The following FRMPD3 variants were observed in gnomAD, a reference collection of about 807,000 sequenced individuals.
The protein encoded by FRMPD3 is FERM and PDZ domain containing 3.
In FRMPD3, 42 loss-of-function variants were observed where a neutral mutation model predicts 97.9. The observed-to-expected ratio is 0.43, with a 90% CI of 0.34 to 0.55. The LOEUF (loss-of-function observed/expected upper bound fraction) is 0.55, where lower values mean the gene tolerates loss of function less well. FRMPD3 is among the 20% of genes least tolerant of loss of function. The pLI is 0.03. For synonymous variants in FRMPD3, 577 were observed against 581.1 expected (o/e 0.99, Z 0.10); for missense variants, 1,303 against 1,457.7 (o/e 0.89, Z 1.73).
chrX:107,483,230 T>C (rs1370620179), intron 1 of FRMPD3, among the ~76,000 whole-genome samples: 1 of 112,635 alleles, frequency 8.9e-6, no homozygotes, highest in Non-Finnish European at 1.9e-5. Context: ...CCCCAAACCA[T>C]GTTCCCTGGT....
At position 107,591,675 on chromosome X, in the gene FRMPD3, C is replaced by T. The variant is rs193093629; in HGVS notation, c.1442-5646C>T. Reference sequence around the variant, plus strand: ...CAACTTTTAGTTTTATTGATTTTCTCTATCTTTTTTCTATCCTCTATGTAT... The same window carrying T: ...CAACTTTTAGTTTTATTGATTTTCTTTATCTTTTTTCTATCCTCTATGTAT... On this transcript the variant is annotated intron_variant, in intron 13 of 14. Transcript: ENST00000683843. 1.4e-4 allele frequency among the ~76,000 whole-genome samples: 16 copies of T among 111,928 alleles called. No homozygotes were observed. The South Asian group carries it at 2.6e-3, about 18-fold the overall frequency.
At chrX:107,522,326 A>G in intron 1 of FRMPD3, 6 of 509,961 alleles carry the variant, frequency 1.2e-5, no homozygotes, top group Non-Finnish European at 2.1e-5. Context: ...CCATGATCTC[A>G]TTTCATTCTC....
intron 1 of FRMPD3, among the ~76,000 whole-genome samples, chrX:107,480,388 GT>G (rs1569410647): frequency 9.0e-6 from 1 of 111,693 alleles, no homozygotes; most frequent in Non-Finnish European, 1.9e-5. Flanking sequence ...TACATGGAGG[GT>G]ACTTAGGTCA....
intron 1 of FRMPD3, among the ~76,000 whole-genome samples, chrX:107,489,101 T>A (rs903312916): frequency 9.4e-6 from 1 of 106,788 alleles, no homozygotes; most frequent in Non-Finnish European, 1.9e-5. Context: ...TTTTTTGTCC[T>A]TGCGATAGTT....
At position 107,590,351 on chromosome X, in the gene FRMPD3, A is replaced by AAAAGAAAGAAAGAAAGAAAG. The variant is rs200194961; in HGVS notation, c.1442-6962_1442-6943dup. On this transcript the variant is annotated intron_variant, in intron 13 of 14. Transcript: ENST00000683843. ...TCTGGACAGACCCCAGACTAAAAAG[A>AAAAGAAAGAAAGAAAGAAAG]AAAGAAAGAAAGAAAGAAAGAAAGA... Among the ~76,000 whole-genome samples, 384 of 109,041 alleles carry AAAAGAAAGAAAGAAAGAAAG rather than the reference A, an allele frequency of 3.5e-3. 5 individuals carry two copies. Among genetic ancestry groups the AAAAGAAAGAAAGAAAGAAAG allele is most frequent in the African/African-American group, 0.013 (362 of 28,591 alleles). The allele number at this position is 109,041 out of a possible 115,157, so 94.7% of individuals were successfully genotyped here.
At chrX:107,539,455 G>A (rs768524264) in intron 4 of FRMPD3, among the ~76,000 whole-genome samples, 1 of 111,666 alleles carries the variant, frequency 9.0e-6, no homozygotes, top group South Asian at 3.8e-4. Context: ...ATAAAGTACC[G>A]GATTATGACC....
At chrX:107,506,125 T>G (rs138602876) in intron 1 of FRMPD3, among the ~76,000 whole-genome samples, 204 of 112,223 alleles carry the variant, frequency 1.8e-3, no homozygotes, top group African/African-American at 6.4e-3. Flanking sequence ...GACTGAGACT[T>G]CTTCCTTTTC....
chrX:107,540,666 G>T (rs1469163628), intron 4 of FRMPD3, among the ~76,000 whole-genome samples: 1 of 111,566 alleles, frequency 9.0e-6, no homozygotes, highest in African/African-American at 3.3e-5. Context: ...AGCCAGAAAG[G>T]GTGCCTGTTG....
intron 1 of FRMPD3, among the ~76,000 whole-genome samples, chrX:107,519,167 A>G (rs763971120): frequency 2.9e-4 from 32 of 111,750 alleles, no homozygotes; most frequent in African/African-American, 9.4e-4. Flanking sequence ...GTTGCATAAT[A>G]ATGTGAGTGT....
intron 4 of FRMPD3, among the ~76,000 whole-genome samples, chrX:107,543,627 C>A (rs1258586323): frequency 9.1e-6 from 1 of 109,860 alleles, no homozygotes; most frequent in Non-Finnish European, 1.9e-5. Context: ...ACCAGCCTGG[C>A]CAACATGGTG....
chrX:107,516,377 T>C (rs963493841), intron 1 of FRMPD3, among the ~76,000 whole-genome samples: 1 of 111,573 alleles, frequency 9.0e-6, no homozygotes. Flanking sequence ...TTATAATCCT[T>C]TGGGTATATA....
intron 13 of FRMPD3, among the ~76,000 whole-genome samples, chrX:107,581,773 A>G (rs1235728272): frequency 9.0e-6 from 1 of 111,500 alleles, no homozygotes; most frequent in Non-Finnish European, 1.9e-5. Flanking sequence ...GTCTTTTGTC[A>G]CTTGCTTTTT....
At chrX:107,535,600 G>C (rs1923192398) in intron 4 of FRMPD3, among the ~76,000 whole-genome samples, 1 of 107,055 alleles carries the variant, frequency 9.3e-6, no homozygotes, top group Non-Finnish European at 1.9e-5. Flanking sequence ...TTGAACCTGG[G>C]AGGCAGAGGT....
Position 107,520,990 on chromosome X carries a change from T to C in FRMPD3, c.-7-5592T>C, listed in dbSNP as rs5962843. Among the ~76,000 whole-genome samples the C allele has an allele frequency of 6.9e-3, 777 of 112,084 alleles. 8 individuals carry two copies. The highest frequency in any genetic ancestry group is 0.024 in the African/African-American group (750 of 30,845). On this transcript the variant is annotated intron_variant, in intron 1 of 14. Transcript: ENST00000683843. ...ACTGTCCCTTTTTTCAGCATTTTCCTCACTTTCCTCCCAGATGCCAGTGTT... is the reference window on the plus strand; with the variant it reads ...ACTGTCCCTTTTTTCAGCATTTTCCCCACTTTCCTCCCAGATGCCAGTGTT...
At chrX:107,543,987 AGATGAATG>A (rs1921453660) in intron 4 of FRMPD3, among the ~76,000 whole-genome samples, 1 of 111,601 alleles carries the variant, frequency 9.0e-6, no homozygotes, top group Non-Finnish European at 1.9e-5. Context: ...TGCCATCAAC[AGATGAATG>A]GATGAAGAAA....
intron 1 of FRMPD3, among the ~76,000 whole-genome samples, chrX:107,496,693 G>A (rs1197359063): frequency 9.0e-6 from 1 of 111,313 alleles, no homozygotes; most frequent in Non-Finnish European, 1.9e-5. Context: ...TTTGGGTCTG[G>A]GTGACTTGAA....
Position 107,560,242 on chromosome X carries a change from T to C in FRMPD3, c.763-15T>C, listed in dbSNP as rs1569422691. 5 of 1,203,569 alleles carry C rather than the reference T, an allele frequency of 4.2e-6. No homozygotes were observed. Among genetic ancestry groups the C allele is most frequent in the Middle Eastern group, 4.6e-4 (2 of 4,340 alleles). ...TCTCCTTCAGCTGATAGGTTTGGACTGCCCTCTCTCACAGAGTCGGAATGA... is the reference window on the plus strand; with the variant it reads ...TCTCCTTCAGCTGATAGGTTTGGACCGCCCTCTCTCACAGAGTCGGAATGA... On this transcript the variant is annotated splice_polypyrimidine_tract_variant and intron_variant, in intron 8 of 14. Coordinates refer to ENST00000683843, the MANE Select transcript of FRMPD3 (RefSeq NM_001388459.1).
At chrX:107,519,551 A>T (rs976019530) in intron 1 of FRMPD3, among the ~76,000 whole-genome samples, 1 of 111,749 alleles carries the variant, frequency 8.9e-6, no homozygotes, top group Non-Finnish European at 1.9e-5. Flanking sequence ...TATGTTATGG[A>T]TATTTTACCA....
rs1398201600 is a variant in FRMPD3, at chrX:107,530,619, G to T, written c.251+108G>T. ...TCGCTCTGAGAGCAGAATCCTTCCA[G>T]GCAGAGAAGCCCTATAGAGGGCTCC... On this transcript the variant is annotated intron_variant, in intron 3 of 14. Transcript: ENST00000683843. The T allele has an allele frequency of 5.2e-6, 3 of 577,748 alleles. No individual in the cohort carries two copies. In the East Asian group the frequency reaches 1.1e-4, roughly 21 times the overall value. The allele number at this position is 577,748 out of a possible 1,213,427, so 47.6% of individuals were successfully genotyped here.
Sources: gnomAD v4.1 joint callset for allele counts (sites outside exome capture counted in the v4.1 genomes callset) on GRCh38, gnomAD v4.1.1 for gene constraint, MANE v1.5 for transcripts, NCBI Gene and HGNC (gene_info 2026-07-23, HGNC 2026-07-21) for gene names.